Variants in PRKN observed in about 807,000 individuals in gnomAD.
PRKN encodes the protein E3 ubiquitin-protein ligase parkin.
Under a neutral mutation model 59.5 loss-of-function variants are expected in PRKN, and 56 were observed. That is an observed-to-expected ratio of 0.94 (90% CI 0.76 to 1.18). The LOEUF is 1.18. Among genes scored for constraint, PRKN ranks in the 50% most tolerant of loss-of-function variants. The pLI is 0.00. For synonymous variants in PRKN, 250 were observed against 222.1 expected, an observed-to-expected ratio of 1.13 and a Z score of -1.12; for missense variants, 657 against 596.4, an observed-to-expected ratio of 1.10 and a Z score of -1.06.
chr6:161,869,457 G>C (rs568985743), intron 6 of PRKN, among the ~76,000 whole-genome samples: 31 of 152,258 alleles, frequency 2.0e-4, no homozygotes, highest in African/African-American at 5.8e-4. Flanking sequence ...TAAGAGCCCT[G>C]TGCTATGTTT....
At chr6:162,249,961 C>G (rs548759263) in intron 3 of PRKN, among the ~76,000 whole-genome samples, 1 of 152,202 alleles carries the variant, frequency 6.6e-6, no homozygotes, top group South Asian at 2.1e-4. Context: ...TCCTGGCCAA[C>G]AGGTCGAAAT....
chr6:162,056,000 CGCACACAG>C (rs1777845527), intron 4 of PRKN, among the ~76,000 whole-genome samples: 1 of 38,184 alleles, frequency 2.6e-5, no homozygotes, highest in African/African-American at 4.6e-5. Context: ...CAGGCATGCA[CGCACACAG>C]GCATGCACGC....
intron 9 of PRKN, among the ~76,000 whole-genome samples, chr6:161,387,441 C>G (rs1786309686): frequency 6.6e-6 from 1 of 152,200 alleles, no homozygotes; most frequent in Non-Finnish European, 1.5e-5. Flanking sequence ...CAGCCCTGCA[C>G]AAATGTGAAT....
intron 1 of PRKN, among the ~76,000 whole-genome samples, chr6:162,648,269 A>C (rs1373783903): frequency 1.3e-5 from 2 of 152,154 alleles, no homozygotes; most frequent in Non-Finnish European, 2.9e-5. Flanking sequence ...ATCTCTCTGT[A>C]CTGTGATTTT....
chr6:161,399,071 G>T lies in PRKN; in HGVS notation c.1084-12194C>A, dbSNP rs1256129225. 6.6e-6 allele frequency among the ~76,000 whole-genome samples: 1 copy of T among 152,158 alleles called. No homozygotes were observed. The highest frequency in any genetic ancestry group is 2.4e-5 in the African/African-American group (1 of 41,420). Reference sequence around the variant, plus strand: ...AAGAGCAGCAGAGGAGAGAAGAGAAGGAATATCTGAATGTCGAGAGGAGTT... The same window carrying T: ...AAGAGCAGCAGAGGAGAGAAGAGAATGAATATCTGAATGTCGAGAGGAGTT... On this transcript the variant is annotated intron_variant, in intron 9 of 11. Coordinates refer to ENST00000366898, the MANE Select transcript of PRKN (RefSeq NM_004562.3). The surrounding 1 kb of genome is among the most constrained non-coding windows in gnomAD (Gnocchi z 4.4).
In PRKN at chr6:161,570,144, A is replaced by AT. The variant is rs57977814; in HGVS notation, c.872-729_872-728insA. ...ATAGGTAAAAAAAAAAAAAAAAAAA[A>AT]AAATATATATATATATATATATATG... On this transcript the variant is annotated intron_variant, in intron 7 of 11. Coordinates refer to ENST00000366898, the MANE Select transcript of PRKN (RefSeq NM_004562.3). Among the ~76,000 whole-genome samples the AT allele has an allele frequency of 5.5e-3, 662 of 121,436 alleles. 1 individual carries two copies. Among genetic ancestry groups the AT allele is most frequent in the African/African-American group, 0.014 (383 of 27,002 alleles). 79.7% of individuals were successfully genotyped at this position (121,436 alleles called of 152,430 possible).
intron 7 of PRKN, among the ~76,000 whole-genome samples, chr6:161,666,128 T>C (rs1251273465): frequency 1.3e-5 from 2 of 152,060 alleles, no homozygotes; most frequent in African/African-American, 4.8e-5. Context: ...TAAATTACAA[T>C]ATCTATTTTG....
intron 7 of PRKN, among the ~76,000 whole-genome samples, chr6:161,675,856 G>T (rs189486007): frequency 6.6e-6 from 1 of 152,302 alleles, no homozygotes; most frequent in East Asian, 1.9e-4. Context: ...TGCTTTACAT[G>T]TATTAAAAAC....
intron 1 of PRKN, among the ~76,000 whole-genome samples, chr6:162,640,915 G>A (rs1191901501): frequency 6.6e-6 from 1 of 152,080 alleles, no homozygotes. Context: ...CTTGCTTGAT[G>A]GTAAGACTCA....
chr6:161,802,564 C>T (rs1477157315), intron 6 of PRKN, among the ~76,000 whole-genome samples: 1 of 152,132 alleles, frequency 6.6e-6, no homozygotes, highest in East Asian at 1.9e-4. Flanking sequence ...AGCGTGCTTC[C>T]CCAATGGTCA....
In PRKN at chr6:161,395,043, TGCAGGTA is replaced by T. The variant is rs972904664; in HGVS notation, c.1084-8173_1084-8167del. The stretch of plus-strand genomic sequence containing the variant: ...AGGTATTCTTTGAATGCAAAATATG[TGCAGGTA>T]GCACAGATTCAAAAGGTACATTGTG... On this transcript the variant is annotated intron_variant, in intron 9 of 11. Transcript: ENST00000366898. The surrounding 1 kb of genome is among the most constrained non-coding windows in gnomAD (Gnocchi z 5.0). 3.3e-4 allele frequency among the ~76,000 whole-genome samples: 51 copies of T among 152,302 alleles called. No individual in the cohort carries two copies. The highest frequency in any genetic ancestry group is 1.2e-3 in the African/African-American group (51 of 41,544).
At chr6:162,443,542 A>C in intron 1 of PRKN, 69 bp from the exon 2 acceptor site, 5 of 1,401,714 alleles carry the variant, frequency 3.6e-6, no homozygotes, top group Non-Finnish European at 5.1e-6. Flanking sequence ...GGTGATAGCA[A>C]CATTTCTCAA....
intron 2 of PRKN, among the ~76,000 whole-genome samples, chr6:162,280,082 C>G (rs1780820672): frequency 1.3e-5 from 2 of 152,056 alleles, no homozygotes; most frequent in Admixed American, 1.3e-4. Context: ...TGGGAAGGGT[C>G]TCCTGAATAC....
Position 161,399,954 on chromosome 6 carries a change from G to A in PRKN, c.1084-13077C>T, listed in dbSNP as rs939886468. ...AATTGTATCATTTCAACATGCAATC[G>A]ATATAAAAATTGGTAATGAGTTATT... On this transcript the variant is annotated intron_variant, in intron 9 of 11. Coordinates refer to ENST00000366898, the MANE Select transcript of PRKN (RefSeq NM_004562.3). The surrounding 1 kb of genome is among the most constrained non-coding windows in gnomAD (Gnocchi z 4.4). Among the ~76,000 whole-genome samples the A allele has an allele frequency of 2.6e-5, 4 of 152,052 alleles. No individual in the cohort carries two copies. Among genetic ancestry groups the A allele is most frequent in the Non-Finnish European group, 4.4e-5 (3 of 68,012 alleles).
intron 7 of PRKN, among the ~76,000 whole-genome samples, chr6:161,585,417 T>C (rs1334934170): frequency 2.6e-5 from 4 of 152,218 alleles, no homozygotes; most frequent in Non-Finnish European, 5.9e-5. Flanking sequence ...TCAGTATTAG[T>C]AGATGAGCTC....
chr6:161,363,681 AT>A lies in PRKN; in HGVS notation c.1168-3477del, dbSNP rs1785072196. 6.6e-6 allele frequency among the ~76,000 whole-genome samples: 1 copy of A among 152,214 alleles called. No homozygotes were observed. Among genetic ancestry groups the A allele is most frequent in the African/African-American group, 2.4e-5 (1 of 41,446 alleles). On this transcript the variant is annotated intron_variant, in intron 10 of 11. Transcript: ENST00000366898. This position sits in a 1 kb window ranked among gnomAD's most constrained non-coding sequence, Gnocchi z 4.1. The stretch of plus-strand genomic sequence containing the variant: ...AATTATCTACAAAGAAGTTACAATT[AT>A]TCCCCCCAGCTGATTTCTTAATGCA...
intron 4 of PRKN, among the ~76,000 whole-genome samples, chr6:162,126,272 G>A (rs1399381613): frequency 2.6e-5 from 4 of 152,240 alleles, no homozygotes; most frequent in East Asian, 1.9e-4. Flanking sequence ...GCATGTGGAC[G>A]TGCTATCAGG....
intron 7 of PRKN, among the ~76,000 whole-genome samples, chr6:161,770,284 A>AG (rs1269683875): frequency 6.6e-6 from 1 of 152,066 alleles, no homozygotes; most frequent in Non-Finnish European, 1.5e-5. Context: ...TTACATACAG[A>AG]GGGCTCACGT....
chr6:162,503,162 T>TG, intron 1 of PRKN, among the ~76,000 whole-genome samples: 2 of 144,878 alleles, frequency 1.4e-5, no homozygotes, highest in Non-Finnish European at 3.0e-5. Flanking sequence ...TTTTTTTTGT[T>TG]GGCCGGGGGG....
Sources: allele counts gnomAD v4.1 joint callset (sites outside exome capture counted in the v4.1 genomes callset), GRCh38; gene constraint gnomAD v4.1.1; non-coding constraint Gnocchi (gnomAD v3.1); transcripts MANE v1.5; gene names NCBI Gene and HGNC (gene_info 2026-07-23, HGNC 2026-07-21).